The following MFSD6 variants were observed in gnomAD, a reference collection of about 807,000 sequenced individuals.
MFSD6 encodes major facilitator superfamily domain containing 6.
Under a neutral mutation model 56.3 loss-of-function variants are expected in MFSD6, and 26 were observed. That is an observed-to-expected ratio of 0.46 (90% confidence interval 0.34 to 0.64). The LOEUF (loss-of-function observed/expected upper bound fraction) is 0.64. Among genes scored for constraint, MFSD6 ranks in the 30% least tolerant of loss-of-function variants. The pLI, the probability that MFSD6 is intolerant of heterozygous loss-of-function variation, is 0.01. For missense variants in MFSD6, 750 were observed against 986.2 expected (o/e 0.76, Z 3.21); for synonymous variants, 331 against 366.9 (o/e 0.90, Z 1.12).
At position 190,443,938 on chromosome 2, in the gene MFSD6, G is replaced by T. The variant is rs1686479157; in HGVS notation, c.1532+6377G>T. On this transcript the variant is annotated intron_variant, in intron 3 of 7. Coordinates refer to ENST00000392328, the MANE Select transcript of MFSD6 (RefSeq NM_017694.4). This position sits in a 1 kb window ranked among gnomAD's most constrained non-coding sequence, Gnocchi z 4.2. ...ATGGTGTCACACGCCTGTAGTCCCA[G>T]TTACTTGGGAGCCTGAGCTGGGAGG... Among the ~76,000 whole-genome samples, 1 of 152,136 alleles carries T rather than the reference G, an allele frequency of 6.6e-6. No homozygotes were observed. Among genetic ancestry groups the T allele is most frequent in the Non-Finnish European group, 1.5e-5 (1 of 68,018 alleles).
At position 190,437,345 on chromosome 2, in the gene MFSD6, T is replaced by A; in HGVS notation, c.1316T>A (p.Ile439Asn). 6.2e-7 allele frequency: 1 copy of A among 1,614,262 alleles called. No homozygotes were observed. Among genetic ancestry groups the A allele is most frequent in the Non-Finnish European group, 8.5e-7 (1 of 1,180,040 alleles). The change falls in exon 3 of 8, where the codon ATC becomes AAC. Residue 439 changes from isoleucine (I) to asparagine (N), a missense_variant. Ile to Asn is a moderately radical substitution (Grantham distance 149, BLOSUM62 -3). This residue lies in a region of MFSD6 where 376 missense variants were observed against 437.9 expected (regional missense o/e 0.86). Coordinates refer to ENST00000392328, the MANE Select transcript of MFSD6 (RefSeq NM_017694.4). This position sits in a 1 kb window ranked among gnomAD's most constrained non-coding sequence, Gnocchi z 5.9. Reference sequence around the variant, plus strand: ...CAGGCCTTCAACTTTTGGGACTTAATCAAGCTGCTCTGCAGCGTGCAGTAT... The same window carrying A: ...CAGGCCTTCAACTTTTGGGACTTAAACAAGCTGCTCTGCAGCGTGCAGTAT... ...HSQAFNFWDL[I>N]KLLCSVQYGS...
rs1686787779 is a variant in MFSD6 at position 190,451,985 on chromosome 2, C to T, written c.1532+14424C>T. 6.6e-6 allele frequency among the ~76,000 whole-genome samples: 1 copy of T among 152,148 alleles called. No individual in the cohort carries two copies. Among genetic ancestry groups the T allele is most frequent in the African/African-American group, 2.4e-5 (1 of 41,422 alleles). On this transcript the variant is annotated intron_variant, in intron 3 of 7. Transcript: ENST00000392328. The surrounding 1 kb of genome is among the most constrained non-coding windows in gnomAD (Gnocchi z 5.0). Reference sequence around the variant, plus strand: ...CATTCTCTGAGTTTTAGAGAAATTACAAGCTGTGCTGTTTTTTTGAGTCAT... The same window carrying T: ...CATTCTCTGAGTTTTAGAGAAATTATAAGCTGTGCTGTTTTTTTGAGTCAT...
chr2:190,407,968 G>A (rs905511427), upstream of MFSD6, among the ~76,000 whole-genome samples: 6 of 150,922 alleles, frequency 4.0e-5, no homozygotes, highest in East Asian at 2.0e-4. The surrounding 1 kb of genome is among the most constrained non-coding windows in gnomAD (Gnocchi z 5.4). Context: ...TCGCTTGGGG[G>A]TGCGGGGGGG....
rs1232016698 is a variant in MFSD6 at position 190,425,996 on chromosome 2, A to G, written c.-53-9981A>G. Among the ~76,000 whole-genome samples, 4 of 151,782 alleles carry G rather than the reference A, an allele frequency of 2.6e-5. No homozygotes were observed. Among genetic ancestry groups the G allele is most frequent in the Non-Finnish European group, 5.9e-5 (4 of 67,924 alleles). On this transcript the variant is annotated intron_variant, in intron 2 of 7. Coordinates refer to ENST00000392328, the MANE Select transcript of MFSD6 (RefSeq NM_017694.4). The surrounding 1 kb of genome is among the most constrained non-coding windows in gnomAD (Gnocchi z 4.3). ...TTTCAAAATTTTTTTCCTTGCCTTT[A>G]GTTTTTAGAAGTTTGACTGATGAGT...
rs1346351595 is a variant in MFSD6 at position 190,423,786 on chromosome 2, C to T, written c.-54+8373C>T. On this transcript the variant is annotated intron_variant, in intron 2 of 7. Transcript: ENST00000392328. The surrounding 1 kb of genome is among the most constrained non-coding windows in gnomAD (Gnocchi z 4.3). ...TATGAGTAATTTGGTAGTTGTGCCT[C>T]CTTATCAGAATTCAGTGTTATCCCT... Among the ~76,000 whole-genome samples, 1 of 152,160 alleles carries T rather than the reference C, an allele frequency of 6.6e-6. No homozygotes were observed. The highest frequency in any genetic ancestry group is 1.5e-5 in the Non-Finnish European group (1 of 68,024).
rs1687925349 is a variant in MFSD6, at chr2:190,471,481, C to T, written c.1630+1626C>T. ...CTTGGAGGGTCCTACGCCCACGGAG[C>T]CTCCCTCATTGCTAGCACAGCAGTC... On this transcript the variant is annotated intron_variant, in intron 4 of 7. Coordinates refer to ENST00000392328, the MANE Select transcript of MFSD6 (RefSeq NM_017694.4). The surrounding 1 kb of genome is among the most constrained non-coding windows in gnomAD (Gnocchi z 4.7). Among the ~76,000 whole-genome samples, 1 of 152,202 alleles carries T rather than the reference C, an allele frequency of 6.6e-6. No individual in the cohort carries two copies. The highest frequency in any genetic ancestry group is 2.4e-5 in the African/African-American group (1 of 41,444).
chr2:190,495,027 G>C lies in MFSD6; in HGVS notation c.1892-2412G>C, dbSNP rs1689585381. Among the ~76,000 whole-genome samples, 1 of 152,124 alleles carries C rather than the reference G, an allele frequency of 6.6e-6. No individual in the cohort carries two copies. The highest frequency in any genetic ancestry group is 2.4e-5 in the African/African-American group (1 of 41,434). ...CAGTCAGACAAGAGAAGGAAATAAA[G>C]GGCATCCAAATAGGTAAAGAGGAAG... On this transcript the variant is annotated intron_variant, in intron 6 of 7. Coordinates refer to ENST00000392328, the MANE Select transcript of MFSD6 (RefSeq NM_017694.4). This position sits in a 1 kb window ranked among gnomAD's most constrained non-coding sequence, Gnocchi z 4.7.
intron 3 of MFSD6, among the ~76,000 whole-genome samples, chr2:190,466,664 T>G (rs1232889584): frequency 1.3e-5 from 2 of 152,234 alleles, no homozygotes; most frequent in African/African-American, 4.8e-5. Context: ...ATACATGTTT[T>G]TATCCCCACT....
rs1014782007 is a variant in MFSD6, at chr2:190,431,432, C to T, written c.-53-4545C>T. On this transcript the variant is annotated intron_variant, in intron 2 of 7. Transcript: ENST00000392328. This position sits in a 1 kb window ranked among gnomAD's most constrained non-coding sequence, Gnocchi z 4.4. ...TGGGCACCATTGATCACTGAGTGAA[C>T]GAGACTCCGTCTGCAATCCCGGCAC... Among the ~76,000 whole-genome samples the T allele has an allele frequency of 4.6e-5, 7 of 152,238 alleles. No individual in the cohort carries two copies. The highest frequency in any genetic ancestry group is 1.4e-4 in the African/African-American group (6 of 41,460).
rs1351689410 is a variant in MFSD6, at chr2:190,457,118, T to A, written c.1533-12640T>A. Among the ~76,000 whole-genome samples the A allele has an allele frequency of 6.6e-6, 1 of 152,198 alleles. No homozygotes were observed. Among genetic ancestry groups the A allele is most frequent in the African/African-American group, 2.4e-5 (1 of 41,448 alleles). On this transcript the variant is annotated intron_variant, in intron 3 of 7. Coordinates refer to ENST00000392328, the MANE Select transcript of MFSD6 (RefSeq NM_017694.4). The surrounding 1 kb of genome is among the most constrained non-coding windows in gnomAD (Gnocchi z 5.1). ...AATCCAGAGGTATTTCCTCAAGCCCTTGTCTAGGTTTGATTTCATGTAGGG... is the reference window on the plus strand; with the variant it reads ...AATCCAGAGGTATTTCCTCAAGCCCATGTCTAGGTTTGATTTCATGTAGGG...
chr2:190,466,050 A>G (rs1156945624), intron 3 of MFSD6, among the ~76,000 whole-genome samples: 1 of 152,194 alleles, frequency 6.6e-6, no homozygotes, highest in Non-Finnish European at 1.5e-5. Context: ...GGTTACTTCC[A>G]AGGGCCTCTC....
At chr2:190,446,349 C>T (rs1180957144) in intron 3 of MFSD6, among the ~76,000 whole-genome samples, 1 of 152,190 alleles carries the variant, frequency 6.6e-6, no homozygotes, top group East Asian at 1.9e-4. Flanking sequence ...TGGGAAGTTC[C>T]CCCAGATCTC....
rs1689093380 is a variant in MFSD6 at position 190,487,734 on chromosome 2, G to GAT, written c.1631-915_1631-914dup. ...TTCATTATGATTGCTATTTTAAAAA[G>GAT]ATATATATAAGTTCTGGCAAGGAGG... On this transcript the variant is annotated intron_variant, in intron 4 of 7. Transcript: ENST00000392328. This position sits in a 1 kb window ranked among gnomAD's most constrained non-coding sequence, Gnocchi z 5.5. Among the ~76,000 whole-genome samples, 2 of 152,108 alleles carry GAT rather than the reference G, an allele frequency of 1.3e-5. No individual in the cohort carries two copies. The highest frequency in any genetic ancestry group is 2.9e-5 in the Non-Finnish European group (2 of 68,022).
Position 190,437,255 on chromosome 2 carries a change from C to T in MFSD6, c.1226C>T (p.Pro409Leu), listed in dbSNP as rs376329761. ...TCTAAAGGGAAAGAGGTGGAGATCCCGCAGGTGGAAAGGAACAACTCTACA... is the reference window on the plus strand; with the variant it reads ...TCTAAAGGGAAAGAGGTGGAGATCCTGCAGGTGGAAAGGAACAACTCTACA... ...DDSKGKEVEI[P>L]QVERNNSTES... is the part of the protein sequence containing the mutation. Residue 409 changes from proline to leucine, a missense_variant, in exon 3 of 8, where the codon CCG (proline) becomes CTG (leucine). Coordinates refer to ENST00000392328, the MANE Select transcript of MFSD6 (RefSeq NM_017694.4). The surrounding 1 kb of genome is among the most constrained non-coding windows in gnomAD (Gnocchi z 5.9). The T allele has an allele frequency of 1.9e-5, 30 of 1,614,120 alleles. No homozygotes were observed. The East Asian group carries it at 5.3e-4, about 29-fold the overall frequency.
chr2:190,434,679 C>T lies in MFSD6; in HGVS notation c.-53-1298C>T, dbSNP rs570888622. Among the ~76,000 whole-genome samples, 2 of 152,216 alleles carry T rather than the reference C, an allele frequency of 1.3e-5. No individual in the cohort carries two copies. Among genetic ancestry groups the T allele is most frequent in the South Asian group, 4.2e-4 (2 of 4,814 alleles). On this transcript the variant is annotated intron_variant, in intron 2 of 7. Coordinates refer to ENST00000392328, the MANE Select transcript of MFSD6 (RefSeq NM_017694.4). The surrounding 1 kb of genome is among the most constrained non-coding windows in gnomAD (Gnocchi z 4.3). ...AATCTCCTGAACTCATGATCCGCCC[C>T]CCTCAGCCTCCCAAAGTGCTGGGAT...
In MFSD6 at chr2:190,489,319, T is replaced by C. The variant is rs1216001144; in HGVS notation, c.1793-449T>C. 6.6e-6 allele frequency among the ~76,000 whole-genome samples: 1 copy of C among 152,248 alleles called. No homozygotes were observed. Among genetic ancestry groups the C allele is most frequent in the African/African-American group, 2.4e-5 (1 of 41,460 alleles). Reference sequence around the variant, plus strand: ...AGGAGCTGAAATAGGAATGAGATTATTCTGCTCCAGGAATCTTAACTACTC... The same window carrying C: ...AGGAGCTGAAATAGGAATGAGATTACTCTGCTCCAGGAATCTTAACTACTC... On this transcript the variant is annotated intron_variant, in intron 5 of 7. Transcript: ENST00000392328. The surrounding 1 kb of genome is among the most constrained non-coding windows in gnomAD (Gnocchi z 6.6).
At chr2:190,468,451 G>T (rs1015774558) in intron 3 of MFSD6, among the ~76,000 whole-genome samples, 5 of 143,642 alleles carry the variant, frequency 3.5e-5, no homozygotes, top group Non-Finnish European at 6.2e-5. Context: ...TTATAGGAAT[G>T]AATTTTTTTT....
Position 190,456,767 on chromosome 2 carries a change from C to T in MFSD6, c.1533-12991C>T, listed in dbSNP as rs1436097891. On this transcript the variant is annotated intron_variant, in intron 3 of 7. Coordinates refer to ENST00000392328, the MANE Select transcript of MFSD6 (RefSeq NM_017694.4). This position sits in a 1 kb window ranked among gnomAD's most constrained non-coding sequence, Gnocchi z 5.4. ...GTGGAAACCTTGGCTCACCCCTCGT[C>T]CTGCCTCAGCATCGATACCTGCAGT... Among the ~76,000 whole-genome samples, 2 of 152,256 alleles carry T rather than the reference C, an allele frequency of 1.3e-5. No homozygotes were observed. Among genetic ancestry groups the T allele is most frequent in the African/African-American group, 4.8e-5 (2 of 41,470 alleles).
rs1309854176 is a variant in MFSD6, at chr2:190,426,108, A to G, written c.-53-9869A>G. Among the ~76,000 whole-genome samples, 2 of 152,130 alleles carry G rather than the reference A, an allele frequency of 1.3e-5. No homozygotes were observed. Among genetic ancestry groups the G allele is most frequent in the Admixed American group, 6.6e-5 (1 of 15,264 alleles). Reference sequence around the variant, plus strand: ...TAGGTTTATGTCTTTTGCCAATTTGAGAAGTTTTTAGCCTTTACTTCTTTG... The same window carrying G: ...TAGGTTTATGTCTTTTGCCAATTTGGGAAGTTTTTAGCCTTTACTTCTTTG... On this transcript the variant is annotated intron_variant, in intron 2 of 7. Transcript: ENST00000392328. The surrounding 1 kb of genome is among the most constrained non-coding windows in gnomAD (Gnocchi z 4.7).
Sources: gnomAD v4.1 joint callset for allele counts (sites outside exome capture counted in the v4.1 genomes callset) on GRCh38, gnomAD v4.1.1 for gene constraint, gnomAD v4.1.1 regional missense constraint, Gnocchi (gnomAD v3.1) non-coding constraint, MANE v1.5 for transcripts, NCBI Gene and HGNC (gene_info 2026-07-23, HGNC 2026-07-21) for gene names.